GATA4: variants seen among roughly 807,000 people sequenced by gnomAD.
GATA4 encodes the protein GATA binding protein 4.
In GATA4, 7 loss-of-function variants were observed where a neutral mutation model predicts 37.9. That is an observed-to-expected ratio of 0.18 (90% CI 0.11 to 0.35). The LOEUF is 0.35. Among genes scored for constraint, GATA4 ranks in the 10% least tolerant of loss-of-function variants. GATA4 has a pLI of 1.00. For synonymous variants in GATA4, 372 were observed against 292.6 expected, an observed-to-expected ratio of 1.27 and a Z score of -2.77; for missense variants, 647 against 653.0, an observed-to-expected ratio of 0.99 and a Z score of 0.10.
chr8:11,703,751 C>T (rs187578451), upstream of GATA4, among the ~76,000 whole-genome samples: 3 of 152,210 alleles, frequency 2.0e-5, no homozygotes, highest in Non-Finnish European at 4.4e-5. Flanking sequence ...CCCACTACCC[C>T]TGCCCAGGAA....
chr8:11,694,810 A>C (rs1401478057), intron 1 of GATA4, among the ~76,000 whole-genome samples: 3 of 151,630 alleles, frequency 2.0e-5, no homozygotes, highest in African/African-American at 7.3e-5. Flanking sequence ...ATTATCAAGA[A>C]CTCTGGGAAG....
At chr8:11,721,293 C>A (rs1213385545) in intron 2 of GATA4, among the ~76,000 whole-genome samples, 3 of 149,958 alleles carry the variant, frequency 2.0e-5, no homozygotes, top group African/African-American at 7.4e-5. Context: ...ATTCTGAGCC[C>A]AGGACTTAGC....
intron 2 of GATA4, among the ~76,000 whole-genome samples, chr8:11,729,417 A>G (rs1801096993): frequency 6.6e-6 from 1 of 150,922 alleles, no homozygotes; most frequent in Admixed American, 6.6e-5. Flanking sequence ...AAAATACAAA[A>G]AATTAGCCAG....
At chr8:11,693,261 A>T (rs13254920) in intron 1 of GATA4, among the ~76,000 whole-genome samples, 140,516 of 152,156 alleles carry the variant, frequency 0.92, 65,773 homozygotes, top group East Asian at 1. Flanking sequence ...AGCCCAGCAG[A>T]TAGAGACCAG....
chr8:11,707,271 T>C lies in GATA4; in HGVS notation c.-457-585T>C, dbSNP rs1799928017. On this transcript the variant is annotated intron_variant, in intron 1 of 6. Transcript: ENST00000532059. The surrounding 1 kb of genome is among the most constrained non-coding windows in gnomAD (Gnocchi z 4.7). ...GTTTCAGAACCCTCTTCAGGAGGCT[T>C]AGCAGACACCGTTGTTCACTTATAA... is the stretch of plus-strand genomic sequence containing the variant. Among the ~76,000 whole-genome samples the C allele has an allele frequency of 6.6e-6, 1 of 152,142 alleles. No individual in the cohort carries two copies. The highest frequency in any genetic ancestry group is 6.5e-5 in the Admixed American group (1 of 15,288).
chr8:11,743,478 C>G (rs976194586), intron 2 of GATA4, among the ~76,000 whole-genome samples: 2 of 152,240 alleles, frequency 1.3e-5, no homozygotes, highest in African/African-American at 4.8e-5. Flanking sequence ...GGAGAGCAGA[C>G]CAGGCTCTGT....
At chr8:11,753,761 C>G (rs1286007706) in intron 4 of GATA4, among the ~76,000 whole-genome samples, 1 of 152,228 alleles carries the variant, frequency 6.6e-6, no homozygotes, top group Non-Finnish European at 1.5e-5. Context: ...GCATTTCTCG[C>G]TTAACCATTG....
At chr8:11,705,102 G>A (rs1165404290) in intron 1 of GATA4, among the ~76,000 whole-genome samples, 1 of 152,256 alleles carries the variant, frequency 6.6e-6, no homozygotes, top group Non-Finnish European at 1.5e-5. Context: ...ACCAGGTTGA[G>A]GAAAGGAGGG....
At chr8:11,690,871 T>C (rs530507363), upstream of GATA4, among the ~76,000 whole-genome samples, 1 of 152,298 alleles carries the variant, frequency 6.6e-6, no homozygotes, top group Non-Finnish European at 1.5e-5. Flanking sequence ...ACCCTGTCTG[T>C]CTCTCTTCAA....
intron 5 of GATA4, chr8:11,756,408 G>A (rs754717280): frequency 1.6e-5 from 3 of 188,664 alleles, no homozygotes; most frequent in African/African-American, 4.7e-5. Flanking sequence ...TTCCTCTCAC[G>A]TAGCAATCAC....
upstream of GATA4, chr8:11,692,466 G>T (rs543837621): frequency 6.3e-6 from 6 of 945,488 alleles, no homozygotes; most frequent in African/African-American, 1.1e-4. Context: ...ATAGAATATT[G>T]ACCGGTGTCC....
intron 2 of GATA4, among the ~76,000 whole-genome samples, chr8:11,744,252 G>C (rs558036603): frequency 6.6e-6 from 1 of 152,272 alleles, no homozygotes; most frequent in African/African-American, 2.4e-5. Context: ...TCCAACTTCA[G>C]CCTCCTAACA....
chr8:11,694,403 C>G (rs1353273301), intron 1 of GATA4: 2 of 805,936 alleles, frequency 2.5e-6, no homozygotes, highest in Non-Finnish European at 3.0e-6. Context: ...TCTGTAAGGT[C>G]AGAGCTGGCG....
intron 2 of GATA4, among the ~76,000 whole-genome samples, chr8:11,738,163 AGAGCAAGACTCTGTCTC>A (rs1801549174): frequency 6.7e-6 from 1 of 149,240 alleles, no homozygotes; most frequent in East Asian, 2.0e-4. Context: ...CCTGGGTGAC[AGAGCAAGACTCTGTCTC>A]AAAAAAAAAA....
rs924794574 is a variant in GATA4, at chr8:11,697,497, G to A, written c.-728-3011G>A. 4 of 957,568 alleles carry A rather than the reference G, an allele frequency of 4.2e-6. No individual in the cohort carries two copies. The East Asian group carries it at 4.6e-4, about 111-fold the overall frequency. 59.3% of individuals were successfully genotyped at this position (957,568 alleles called of 1,614,324 possible). A position where few individuals can be genotyped will look rare whatever the true frequency, so the allele number is the denominator to read the frequency against. ...TGTTCGGAGGGGAGCAGCGCTCTCGGTGGGCACCTGCTGCAGTTGGGGAGG... is the reference window on the plus strand; with the variant it reads ...TGTTCGGAGGGGAGCAGCGCTCTCGATGGGCACCTGCTGCAGTTGGGGAGG... On this transcript the variant is annotated intron_variant, in intron 1 of 2. Coordinates refer to the GATA4 transcript ENST00000526974.
intron 5 of GATA4, among the ~76,000 whole-genome samples, chr8:11,755,393 G>C (rs1802505999): frequency 6.6e-6 from 1 of 152,232 alleles, no homozygotes; most frequent in Non-Finnish European, 1.5e-5. Flanking sequence ...CCAGTGCTCA[G>C]GCTGGACCAG....
At chr8:11,697,278 G>C (rs1219096258) in intron 1 of GATA4, among the ~76,000 whole-genome samples, 1 of 152,244 alleles carries the variant, frequency 6.6e-6, no homozygotes, top group Admixed American at 6.5e-5. Flanking sequence ...AGGGGGATGA[G>C]TGGAAACCAG....
chr8:11,738,793 C>A (rs1174543213), intron 2 of GATA4, among the ~76,000 whole-genome samples: 3 of 152,214 alleles, frequency 2.0e-5, no homozygotes, highest in Non-Finnish European at 4.4e-5. Flanking sequence ...TCCCACATCC[C>A]CCAACCCCAG....
intron 1 of GATA4, chr8:11,681,083 G>C: frequency 1.0e-6 from 1 of 963,742 alleles, no homozygotes; most frequent in Non-Finnish European, 1.2e-6. Context: ...GACATTGAGG[G>C]GCATGGGTGG....
Sources: allele counts gnomAD v4.1 joint callset (sites outside exome capture counted in the v4.1 genomes callset), GRCh38; gene constraint gnomAD v4.1.1; non-coding constraint Gnocchi (gnomAD v3.1); transcripts MANE v1.5; gene names NCBI Gene and HGNC (gene_info 2026-07-23, HGNC 2026-07-21).